The following CARMIL1 variants were observed in gnomAD, a reference collection of about 807,000 sequenced individuals.
CARMIL1 encodes F-actin-uncapping protein LRRC16A.
A neutral mutation model predicts 177.1 loss-of-function variants in CARMIL1; 90 were observed. That is an observed-to-expected ratio of 0.51 (90% CI 0.43 to 0.61). CARMIL1 has a LOEUF of 0.61. CARMIL1 is among the 20% of genes least tolerant of loss of function. The pLI is 0.00. For missense variants in CARMIL1, 1,380 were observed against 1,667.0 expected (o/e 0.83, Z 3.00); for synonymous variants, 577 against 606.2 (o/e 0.95, Z 0.71).
chr6:25,441,469 A>T (rs1797784730), intron 5 of CARMIL1, among the ~76,000 whole-genome samples: 1 of 151,584 alleles, frequency 6.6e-6, no homozygotes, highest in Admixed American at 6.6e-5. Context: ...TAGTATTTAC[A>T]TGTCATATTT....
intron 26 of CARMIL1, among the ~76,000 whole-genome samples, chr6:25,546,108 T>C (rs1809433528): frequency 6.6e-6 from 1 of 152,178 alleles, no homozygotes; most frequent in Admixed American, 6.5e-5. Flanking sequence ...TAGATGCTTA[T>C]TGTCCTATTT....
chr6:25,364,400 A>G lies in CARMIL1; in HGVS notation c.139-55714A>G, dbSNP rs138436883. 1.1e-3 allele frequency among the ~76,000 whole-genome samples: 167 copies of G among 152,262 alleles called. 2 individuals are homozygous for G. Among genetic ancestry groups the G allele is most frequent in the Middle Eastern group, 6.8e-3 (2 of 294 alleles). On this transcript the variant is annotated intron_variant, in intron 2 of 36. Coordinates refer to ENST00000329474, the MANE Select transcript of CARMIL1 (RefSeq NM_017640.6). ...GGATCCCAAATGGTATGCCTTTATAACCATAGCCAACTCTCTCCTTCTTTA... is the reference window on the plus strand; with the variant it reads ...GGATCCCAAATGGTATGCCTTTATAGCCATAGCCAACTCTCTCCTTCTTTA...
intron 36 of CARMIL1, among the ~76,000 whole-genome samples, chr6:25,618,560 T>A (rs985993949): frequency 1.5e-4 from 23 of 152,348 alleles, no homozygotes; most frequent in South Asian, 4.1e-4. Flanking sequence ...ATGTTCTAGT[T>A]GGAAAGAACA....
At chr6:25,357,761 C>A (rs761676455) in intron 2 of CARMIL1, among the ~76,000 whole-genome samples, 5 of 152,134 alleles carry the variant, frequency 3.3e-5, no homozygotes, top group Non-Finnish European at 5.9e-5. Flanking sequence ...GCTTGAACTA[C>A]TTTCTTAAGT....
rs1248449674 is a variant in CARMIL1, at chr6:25,515,081, CT to C, written c.1633-592del. ...TTCAGGTGCTTTCTAACAATGTAACCTTGGTTGAGTCACCTAACTTTTCTGT... is the reference window on the plus strand; with the variant it reads ...TTCAGGTGCTTTCTAACAATGTAACCTGGTTGAGTCACCTAACTTTTCTGT... On this transcript the variant is annotated intron_variant, in intron 20 of 36. Transcript: ENST00000329474. The surrounding 1 kb of genome is among the most constrained non-coding windows in gnomAD (Gnocchi z 5.0). Among the ~76,000 whole-genome samples, 1 of 152,176 alleles carries C rather than the reference CT, an allele frequency of 6.6e-6. No homozygotes were observed. The highest frequency in any genetic ancestry group is 2.4e-5 in the African/African-American group (1 of 41,450).
At chr6:25,378,889 TA>T (rs34179371) in intron 2 of CARMIL1, among the ~76,000 whole-genome samples, 1,945 of 146,052 alleles carry the variant, frequency 0.013, 34 homozygotes, top group African/African-American at 0.036. Flanking sequence ...TCTTGGGGAT[TA>T]AAAAAAAAAA....
At chr6:25,613,329 A>G (rs559598316) in intron 36 of CARMIL1, among the ~76,000 whole-genome samples, 20 of 152,324 alleles carry the variant, frequency 1.3e-4, no homozygotes, top group Middle Eastern at 3.4e-3. Flanking sequence ...AAGGATCAAT[A>G]AAAAGTCACT....
intron 2 of CARMIL1, among the ~76,000 whole-genome samples, chr6:25,349,302 C>A (rs1208851939): frequency 6.6e-6 from 1 of 152,170 alleles, no homozygotes; most frequent in African/African-American, 2.4e-5. Flanking sequence ...GAAAAACTCA[C>A]TCAGACATGG....
chr6:25,301,342 CAGG>C, intron 2 of CARMIL1, among the ~76,000 whole-genome samples: 1 of 152,254 alleles, frequency 6.6e-6, no homozygotes, highest in Admixed American at 6.5e-5. Flanking sequence ...TGACAGAGCA[CAGG>C]ATGGCTGCTT....
At chr6:25,329,022 C>G (rs1785367486) in intron 2 of CARMIL1, among the ~76,000 whole-genome samples, 1 of 152,040 alleles carries the variant, frequency 6.6e-6, no homozygotes, top group Non-Finnish European at 1.5e-5. Context: ...TTGGAGAAGA[C>G]AAAAGTTTAT....
chr6:25,505,179 A>G (rs1268239356), intron 17 of CARMIL1, among the ~76,000 whole-genome samples: 2 of 152,196 alleles, frequency 1.3e-5, no homozygotes, highest in African/African-American at 4.8e-5. Flanking sequence ...TGGTGAGACA[A>G]ATTCTTCTTG....
intron 3 of CARMIL1, 59 bp from the exon 4 acceptor site, chr6:25,426,442 A>G (rs1408607942): frequency 8.5e-7 from 1 of 1,171,122 alleles, no homozygotes; most frequent in Non-Finnish European, 1.2e-6. Flanking sequence ...CTTAAGTTAT[A>G]TGTTTTTTTA....
At position 25,581,422 on chromosome 6, in the gene CARMIL1, C is replaced by A. The variant is rs1366855824; in HGVS notation, c.2989C>A (p.Gln997Lys). 1.2e-5 allele frequency: 19 copies of A among 1,611,094 alleles called. No homozygotes were observed. The highest frequency in any genetic ancestry group is 4.5e-5 in the East Asian group (2 of 44,786). Reference sequence around the variant, plus strand: ...AAGGCCAAAAAGGAATAAGAAGCAGCAACCCACCCAAGCAGCGGTAGGTGG... The same window carrying A: ...AAGGCCAAAAAGGAATAAGAAGCAGAAACCCACCCAAGCAGCGGTAGGTGG... ...KLRPKRNKKQ[Q>K]PTQAAVCAAN... The change falls in exon 31 of 37, where the codon CAA becomes AAA. Residue 997 changes from glutamine (Q) to lysine (K), a missense_variant. Physicochemically the swap from Gln to Lys is moderately conservative, Grantham distance 53. Transcript: ENST00000329474.
chr6:25,616,840 G>A (rs10946785), intron 36 of CARMIL1, among the ~76,000 whole-genome samples: 1 of 151,892 alleles, frequency 6.6e-6, no homozygotes, highest in Non-Finnish European at 1.5e-5. Context: ...GGGTGGAGAC[G>A]AGAAGAACAA....
rs1204301521 is a variant in CARMIL1 at position 25,577,974 on chromosome 6, T to G, written c.2743-2950T>G. On this transcript the variant is annotated intron_variant, in intron 29 of 36. Transcript: ENST00000329474. This position sits in a 1 kb window ranked among gnomAD's most constrained non-coding sequence, Gnocchi z 4.5. Reference sequence around the variant, plus strand: ...TTAAAATAAGGGTTTAACACCTTTTTCCTCATACTTTTTTGGGATATGGGT... The same window carrying G: ...TTAAAATAAGGGTTTAACACCTTTTGCCTCATACTTTTTTGGGATATGGGT... Among the ~76,000 whole-genome samples, 3 of 152,226 alleles carry G rather than the reference T, an allele frequency of 2.0e-5. No individual in the cohort carries two copies. Among genetic ancestry groups the G allele is most frequent in the Non-Finnish European group, 4.4e-5 (3 of 68,024 alleles).
Position 25,613,064 on chromosome 6 carries a change from C to CA in CARMIL1, c.3979+2891dup, listed in dbSNP as rs796157054. 3.7e-4 allele frequency among the ~76,000 whole-genome samples: 56 copies of CA among 151,184 alleles called. No homozygotes were observed. The South Asian group carries it at 7.1e-3, about 19-fold the overall frequency. On this transcript the variant is annotated intron_variant, in intron 36 of 36. Coordinates refer to ENST00000329474, the MANE Select transcript of CARMIL1 (RefSeq NM_017640.6). ...AACAGGATGGTCCTTTTATTTGGGG[C>CA]AAAAAAAATATTGACTTAAAAATCT...
At chr6:25,361,074 G>A (rs993674755) in intron 2 of CARMIL1, among the ~76,000 whole-genome samples, 6 of 152,126 alleles carry the variant, frequency 3.9e-5, no homozygotes, top group African/African-American at 1.2e-4. Flanking sequence ...TTTTCATTAT[G>A]TTAGGGGCTT....
chr6:25,471,256 A>G lies in CARMIL1; in HGVS notation c.778A>G (p.Thr260Ala), dbSNP rs774712939. 1.2e-6 allele frequency: 2 copies of G among 1,606,494 alleles called. No individual in the cohort carries two copies. Among genetic ancestry groups the G allele is most frequent in the Non-Finnish European group, 1.7e-6 (2 of 1,174,104 alleles). Reference protein sequence around the residue: ...ELVLENAGLRTDFAQKLASAL... With the variant: ...ELVLENAGLRADFAQKLASAL... The stretch of plus-strand genomic sequence containing the variant: ...GGTGTTGGAAAATGCTGGACTTAGA[A>G]CGTGAGTATTTTCCTGAATATATAA... The change falls in exon 10 of 37, where the codon ACA (threonine) becomes GCA (alanine). Residue 260 changes from threonine to alanine, a missense_variant and splice_region_variant. Coordinates refer to ENST00000329474, the MANE Select transcript of CARMIL1 (RefSeq NM_017640.6).
rs535472657 is a variant in CARMIL1, at chr6:25,580,471, G to A, written c.2743-453G>A. 1.7e-4 allele frequency among the ~76,000 whole-genome samples: 26 copies of A among 152,304 alleles called. No individual in the cohort carries two copies. In the South Asian group the frequency reaches 3.3e-3, roughly 19 times the overall value. Reference sequence around the variant, plus strand: ...CCCATGAAGTAAAGATCAAAATCTTGGGGGCAAAATGTGAAACGAGAGTGC... The same window carrying A: ...CCCATGAAGTAAAGATCAAAATCTTAGGGGCAAAATGTGAAACGAGAGTGC... On this transcript the variant is annotated intron_variant, in intron 29 of 36. Transcript: ENST00000329474.
Sources: allele counts gnomAD v4.1 joint callset (sites outside exome capture counted in the v4.1 genomes callset), GRCh38; gene constraint gnomAD v4.1.1; non-coding constraint Gnocchi (gnomAD v3.1); transcripts MANE v1.5; gene names NCBI Gene and HGNC (gene_info 2026-07-23, HGNC 2026-07-21).